The following PTPRU variants were observed in gnomAD, a reference collection of about 807,000 sequenced individuals.
The protein encoded by PTPRU is protein tyrosine phosphatase receptor type U, also known as receptor-type tyrosine-protein phosphatase U.
Under a neutral mutation model 166.3 loss-of-function variants are expected in PTPRU, and 69 were observed. The ratio of observed to expected loss-of-function variants is 0.41; its 90% CI spans 0.34 to 0.51. The LOEUF is 0.51. Ranked by LOEUF, PTPRU falls within the 20% of genes least tolerant of loss-of-function variation. The pLI, the probability that PTPRU is intolerant of heterozygous loss-of-function variation, is 0.09. For synonymous variants in PTPRU, 793 were observed against 814.0 expected, an observed-to-expected ratio of 0.97 and a Z score of 0.44; for missense variants, 1,657 against 2,013.7, an observed-to-expected ratio of 0.82 and a Z score of 3.39.
chr1:29,297,672 G>A (rs973233963), intron 15 of PTPRU, among the ~76,000 whole-genome samples: 2 of 152,174 alleles, frequency 1.3e-5, no homozygotes, highest in South Asian at 2.1e-4. Flanking sequence ...GAGAGAGCGG[G>A]AGATCAGGGT....
intron 1 of PTPRU, among the ~76,000 whole-genome samples, chr1:29,252,450 T>C (rs1684595443): frequency 6.6e-6 from 1 of 151,972 alleles, no homozygotes; most frequent in Non-Finnish European, 1.5e-5. Context: ...TAATTTTTAG[T>C]AGAGATGGGG....
chr1:29,279,423 C>T lies in PTPRU; in HGVS notation c.1564-33C>T, dbSNP rs981471572. 1.9e-6 allele frequency: 3 copies of T among 1,596,608 alleles called. No individual in the cohort carries two copies. The highest frequency in any genetic ancestry group is 2.2e-5 in the East Asian group (1 of 44,764). ...GCTGGTCAGGGATGCTCTGACCATC[C>T]AGTGCCCACCTGCCTGCCAATCCTG... On this transcript the variant is annotated intron_variant, in intron 9 of 29. Transcript: ENST00000373779. This position sits in a 1 kb window ranked among gnomAD's most constrained non-coding sequence, Gnocchi z 5.2.
intron 1 of PTPRU, among the ~76,000 whole-genome samples, chr1:29,242,454 C>G (rs1481840071): frequency 6.6e-6 from 1 of 152,176 alleles, no homozygotes; most frequent in Non-Finnish European, 1.5e-5. Flanking sequence ...TCTAATAGAA[C>G]CTTCTGTGGT....
chr1:29,284,088 G>A, intron 13 of PTPRU, 112 bp downstream of exon 13: 1 of 1,361,302 alleles, frequency 7.3e-7, no homozygotes, highest in Non-Finnish European at 1.0e-6. Context: ...GGGTGGTTGG[G>A]CAGTCCTGGG....
At position 29,236,543 on chromosome 1, in the gene PTPRU, G is replaced by C; in HGVS notation, c.-102G>C. 4.3e-6 allele frequency: 4 copies of C among 922,456 alleles called. No homozygotes were observed. The highest frequency in any genetic ancestry group is 5.4e-6 in the Non-Finnish European group (4 of 737,378). The allele number at this position is 922,456 out of a possible 1,614,324, so 57.1% of individuals were successfully genotyped here. On this transcript the variant is annotated 5_prime_UTR_variant, in exon 1 of 30. Coordinates refer to ENST00000373779, the MANE Select transcript of PTPRU (RefSeq NM_133178.4). This position sits in a 1 kb window ranked among gnomAD's most constrained non-coding sequence, Gnocchi z 4.6. The stretch of plus-strand genomic sequence containing the variant: ...CGCCAGTCCCGCTCCGCGCCGCGCC[G>C]CTCCGCTCCGGCTCGGGCTCCGGCT...
rs780619217 is a variant in PTPRU at position 29,304,057 on chromosome 1, C to G, written c.2667+12C>G. 7 of 1,594,496 alleles carry G rather than the reference C, an allele frequency of 4.4e-6. No individual in the cohort carries two copies. The South Asian group carries it at 5.5e-5, about 13-fold the overall frequency. The stretch of plus-strand genomic sequence containing the variant: ...AGCAGGAGTATGAGGTGCACGCCGG[C>G]CCCGGGCCAGCAGGATCCCTGCAGA... On this transcript the variant is annotated intron_variant, in intron 16 of 29. Transcript: ENST00000373779.
At chr1:29,323,023 T>G (rs1688232253) in intron 26 of PTPRU, among the ~76,000 whole-genome samples, 2 of 151,544 alleles carry the variant, frequency 1.3e-5, no homozygotes, top group East Asian at 1.9e-4. Context: ...TGGGTGGGAG[T>G]GATCCAGGCC....
chr1:29,257,838 G>T lies in PTPRU; in HGVS notation c.206-667G>T, dbSNP rs559622467. Reference sequence around the variant, plus strand: ...AAGGGGTGGCCTTTGAGGGACTGTTGTGTGCCAAGCTCTTGACTCCAGGGA... The same window carrying T: ...AAGGGGTGGCCTTTGAGGGACTGTTTTGTGCCAAGCTCTTGACTCCAGGGA... On this transcript the variant is annotated intron_variant, in intron 2 of 29. Transcript: ENST00000373779. This position sits in a 1 kb window ranked among gnomAD's most constrained non-coding sequence, Gnocchi z 4.6. 3.3e-5 allele frequency among the ~76,000 whole-genome samples: 5 copies of T among 152,126 alleles called. No homozygotes were observed. The highest frequency in any genetic ancestry group is 7.4e-5 in the Non-Finnish European group (5 of 68,018).
At chr1:29,240,409 G>A (rs1683989570) in intron 1 of PTPRU, among the ~76,000 whole-genome samples, 1 of 152,114 alleles carries the variant, frequency 6.6e-6, no homozygotes, top group African/African-American at 2.4e-5. Flanking sequence ...AATATATATG[G>A]CCTGAAAGAA....
Position 29,271,812 on chromosome 1 carries a change from T to A in PTPRU, c.1145-3636T>A, listed in dbSNP as rs995574206. On this transcript the variant is annotated intron_variant, in intron 7 of 29. Transcript: ENST00000373779. This position sits in a 1 kb window ranked among gnomAD's most constrained non-coding sequence, Gnocchi z 4.4. Reference sequence around the variant, plus strand: ...GGAACTTCTCCTGCCCTTCTGTAAATGCTGCAGGAGGACTAGGAAGCAGAA... The same window carrying A: ...GGAACTTCTCCTGCCCTTCTGTAAAAGCTGCAGGAGGACTAGGAAGCAGAA... Among the ~76,000 whole-genome samples, 1 of 152,170 alleles carries A rather than the reference T, an allele frequency of 6.6e-6. No individual in the cohort carries two copies. Among genetic ancestry groups the A allele is most frequent in the Non-Finnish European group, 1.5e-5 (1 of 68,036 alleles).
In PTPRU at chr1:29,245,180, G is replaced by C. The variant is rs552643253; in HGVS notation, c.73+8463G>C. On this transcript the variant is annotated intron_variant, in intron 1 of 29. Coordinates refer to ENST00000373779, the MANE Select transcript of PTPRU (RefSeq NM_133178.4). ...TTTACCAGCAGAATTTGAATTCATT[G>C]TTTTCCTGCCAGCATGCTGGGATTC... Among the ~76,000 whole-genome samples, 4 of 152,294 alleles carry C rather than the reference G, an allele frequency of 2.6e-5. No individual in the cohort carries two copies. The Middle Eastern group carries it at 0.01, about 391-fold the overall frequency.
In PTPRU at chr1:29,279,237, T is replaced by G; in HGVS notation, c.1563+116T>G. 9.3e-7 allele frequency: 1 copy of G among 1,079,538 alleles called. No homozygotes were observed. Among genetic ancestry groups the G allele is most frequent in the Non-Finnish European group, 1.4e-6 (1 of 735,954 alleles). The allele number at this position is 1,079,538 out of a possible 1,614,324, so 66.9% of individuals were successfully genotyped here. Reference sequence around the variant, plus strand: ...GGAGGACAGATGTGATTGTCATAGTTTCTTCAACTATGGCCAGGTCTGTGC... The same window carrying G: ...GGAGGACAGATGTGATTGTCATAGTGTCTTCAACTATGGCCAGGTCTGTGC... On this transcript the variant is annotated intron_variant, in intron 9 of 29. Coordinates refer to ENST00000373779, the MANE Select transcript of PTPRU (RefSeq NM_133178.4). This position sits in a 1 kb window ranked among gnomAD's most constrained non-coding sequence, Gnocchi z 5.2.
rs201581531 is a variant in PTPRU at position 29,307,868 on chromosome 1, C to G, written c.2820+2440C>G. On this transcript the variant is annotated intron_variant, in intron 18 of 29. Coordinates refer to ENST00000373779, the MANE Select transcript of PTPRU (RefSeq NM_133178.4). ...CTCTGCCTCCTGGGTTCAAGTGATT[C>G]TCCTGCCTCAGCCTCCCAAGTAGCT... Among the ~76,000 whole-genome samples, 96 of 145,408 alleles carry G rather than the reference C, an allele frequency of 6.6e-4. 2 individuals are homozygous for G. In the East Asian group the frequency reaches 0.018, roughly 27 times the overall value.
At chr1:29,248,974 C>T (rs188670325) in intron 1 of PTPRU, among the ~76,000 whole-genome samples, 6 of 152,302 alleles carry the variant, frequency 3.9e-5, no homozygotes, top group Admixed American at 3.3e-4. Context: ...CTGACCTTAG[C>T]GGTCCCCACT....
chr1:29,307,448 C>A (rs527458950), intron 18 of PTPRU, among the ~76,000 whole-genome samples: 1 of 152,248 alleles, frequency 6.6e-6, no homozygotes, highest in Non-Finnish European at 1.5e-5. Flanking sequence ...CAGTCTGTCA[C>A]CTTCCTTCCC....
At chr1:29,252,755 G>A (rs562262552) in intron 1 of PTPRU, among the ~76,000 whole-genome samples, 49 of 152,280 alleles carry the variant, frequency 3.2e-4, no homozygotes, top group African/African-American at 1.1e-3. Context: ...TCTCTCAAAC[G>A]GTGTTTTTCC....
At chr1:29,251,459 A>G (rs1684542458) in intron 1 of PTPRU, among the ~76,000 whole-genome samples, 1 of 152,160 alleles carries the variant, frequency 6.6e-6, no homozygotes, top group East Asian at 1.9e-4. Flanking sequence ...GGTCATCTGT[A>G]TGAGGCAGAG....
chr1:29,318,903 G>C (rs1326353907), intron 25 of PTPRU, among the ~76,000 whole-genome samples: 1 of 152,254 alleles, frequency 6.6e-6, no homozygotes. Flanking sequence ...GAGGGATGCC[G>C]ATGGGGAAGG....
intron 15 of PTPRU, among the ~76,000 whole-genome samples, chr1:29,292,815 G>GTTTTTTTT (rs774242717): frequency 2.3e-5 from 3 of 132,982 alleles, no homozygotes; most frequent in South Asian, 4.8e-4. Flanking sequence ...AAATTGTTGT[G>GTTTTTTTT]TTTTTTTTTT....
Sources: gnomAD v4.1 joint callset for allele counts (sites outside exome capture counted in the v4.1 genomes callset) on GRCh38, gnomAD v4.1.1 for gene constraint, Gnocchi (gnomAD v3.1) non-coding constraint, MANE v1.5 for transcripts, NCBI Gene and HGNC (gene_info 2026-07-23, HGNC 2026-07-21) for gene names.